The following PARP4 variants were observed in gnomAD, a reference collection of about 807,000 sequenced individuals.
PARP4 encodes the protein poly(ADP-ribose) polymerase family member 4, also known as protein mono-ADP-ribosyltransferase PARP4.
A neutral mutation model predicts 187.7 loss-of-function variants in PARP4; 120 were observed. The ratio of observed to expected loss-of-function variants is 0.64; its 90% CI spans 0.55 to 0.74. The LOEUF is 0.74. Ranked by LOEUF, PARP4 falls within the 30% of genes least tolerant of loss-of-function variation. The pLI is 0.00. For synonymous variants in PARP4, 654 were observed against 740.9 expected (o/e 0.88, Z 1.90); for missense variants, 1,836 against 2,070.5 (o/e 0.89, Z 2.20).
At chr13:24,433,210 C>T (rs1371890839) in intron 31 of PARP4, among the ~76,000 whole-genome samples, 2 of 152,134 alleles carry the variant, frequency 1.3e-5, no homozygotes, top group Admixed American at 6.5e-5. Flanking sequence ...GCTAAACCAT[C>T]GCAGCTGTAA....
At chr13:24,459,241 G>C in intron 19 of PARP4, 23 bp downstream of exon 19, 1 of 1,588,870 alleles carries the variant, frequency 6.3e-7, no homozygotes, top group Non-Finnish European at 8.6e-7. Flanking sequence ...TGAATTGACA[G>C]GTTTTATATT....
chr13:24,503,172 A>G (rs1265717192), intron 2 of PARP4, among the ~76,000 whole-genome samples: 1 of 152,242 alleles, frequency 6.6e-6, no homozygotes, highest in Non-Finnish European at 1.5e-5. Flanking sequence ...CAGCCTTTAA[A>G]TGAACAAAAC....
Position 24,459,250 on chromosome 13 carries a change from T to G in PARP4, c.2345+14A>C, listed in dbSNP as rs778439623. 3 of 1,590,362 alleles carry G rather than the reference T, an allele frequency of 1.9e-6. No homozygotes were observed. The African/African-American group carries it at 4.1e-5, about 22-fold the overall frequency. ...ATCCATTGAATTGACAGGTTTTATA[T>G]TTTAGGTACTAACCTTTGCTTTGTT... On this transcript the variant is annotated intron_variant, in intron 19 of 33. Transcript: ENST00000381989.
chr13:24,425,923 T>C (rs1257584441), intron 33 of PARP4, among the ~76,000 whole-genome samples: 3 of 152,004 alleles, frequency 2.0e-5, no homozygotes, highest in African/African-American at 7.3e-5. Context: ...CTTAGGGTGC[T>C]GGGGGTCAAC....
rs192417289 is a variant in PARP4, at chr13:24,423,339, G to C, written c.4980-2025C>G. ...GGCAGATCACTTGAGGCCAGAGTTCGAGACCAGCCTGGCCAACATGGCGAA... is the reference window on the plus strand; with the variant it reads ...GGCAGATCACTTGAGGCCAGAGTTCCAGACCAGCCTGGCCAACATGGCGAA... On this transcript the variant is annotated intron_variant, in intron 33 of 33. Transcript: ENST00000381989. Among the ~76,000 whole-genome samples the C allele has an allele frequency of 3.9e-5, 6 of 152,120 alleles. No individual in the cohort carries two copies. The South Asian group carries it at 8.3e-4, about 21-fold the overall frequency.
intron 21 of PARP4, among the ~76,000 whole-genome samples, chr13:24,456,087 T>C (rs1871831069): frequency 6.6e-6 from 1 of 152,176 alleles, no homozygotes; most frequent in Non-Finnish European, 1.5e-5. Flanking sequence ...TGATGGCACA[T>C]GTTCTTTTGG....
intron 32 of PARP4, among the ~76,000 whole-genome samples, chr13:24,427,083 T>C (rs1187317252): frequency 6.6e-6 from 1 of 151,962 alleles, no homozygotes; most frequent in Non-Finnish European, 1.5e-5. Context: ...GTATCCAGAG[T>C]GCCCCTCACT....
At chr13:24,502,742 A>G (rs111662141) in intron 2 of PARP4, among the ~76,000 whole-genome samples, 16,760 of 152,348 alleles carry the variant, frequency 0.11, 999 homozygotes, top group African/African-American at 0.12. Flanking sequence ...AAGGGAGAGC[A>G]GGCACGAATT....
intron 10 of PARP4, among the ~76,000 whole-genome samples, chr13:24,489,966 A>G (rs1593643214): frequency 6.6e-6 from 1 of 152,326 alleles, no homozygotes. Flanking sequence ...GTGTGCGGCT[A>G]CAACTCACCA....
chr13:24,464,170 A>T (rs920176194), intron 17 of PARP4, among the ~76,000 whole-genome samples: 1 of 152,220 alleles, frequency 6.6e-6, no homozygotes, highest in African/African-American at 2.4e-5. Flanking sequence ...ATGGAAAAAC[A>T]TTCCATGCTC....
chr13:24,426,640 C>T (rs1870065357), intron 32 of PARP4, 42 bp from the exon 33 acceptor site: 2 of 1,567,618 alleles, frequency 1.3e-6, no homozygotes, highest in Non-Finnish European at 8.7e-7. Context: ...GGAAACTCTG[C>T]ATCTCAAACT....
Position 24,426,509 on chromosome 13 carries a change from C to G in PARP4, c.4936G>C (p.Val1646Leu). The stretch of plus-strand genomic sequence containing the variant: ...TCCATTTTCATCAGTGATTTGAACA[C>G]TATTCCCTCTTTTTCCAACCTGGTG... ...IRTRLEKEGI[V>L]FKSLMKMDDA... is the part of the protein sequence containing the mutation. Residue 1646 changes from valine (V) to leucine (L), a missense_variant, in exon 33 of 34, where the codon GTG becomes CTG. Val to Leu is a conservative substitution (Grantham distance 32). Transcript: ENST00000381989. 6.2e-7 allele frequency: 1 copy of G among 1,612,252 alleles called. No homozygotes were observed. The highest frequency in any genetic ancestry group is 8.5e-7 in the Non-Finnish European group (1 of 1,178,922).
In PARP4 at chr13:24,469,034, T is replaced by G; in HGVS notation, c.2123A>C (p.Gln708Pro). 1.2e-6 allele frequency: 2 copies of G among 1,612,460 alleles called. No individual in the cohort carries two copies. Among genetic ancestry groups the G allele is most frequent in the Non-Finnish European group, 1.7e-6 (2 of 1,178,448 alleles). ...TQGHGAYLMS[Q>P]DAPDVFTVSV... ...CACACCAAGCCATACCGGAGCATCC[T>G]GACTCATCAGGTAAGCGCCATGGCC... is the stretch of plus-strand genomic sequence containing the variant. The change falls in exon 17 of 34, where the codon CAG (glutamine) becomes CCG (proline). Residue 708 changes from glutamine to proline, a missense_variant. Gln to Pro is a moderately conservative substitution (Grantham distance 76). Coordinates refer to ENST00000381989, the MANE Select transcript of PARP4 (RefSeq NM_006437.4).
At chr13:24,489,641 G>T (rs918964622) in intron 10 of PARP4, among the ~76,000 whole-genome samples, 1 of 152,054 alleles carries the variant, frequency 6.6e-6, no homozygotes, top group South Asian at 2.1e-4. Flanking sequence ...AAAAACAAAA[G>T]AAATCATAGC....
At chr13:24,493,422 T>G (rs137899971) in intron 8 of PARP4, among the ~76,000 whole-genome samples, 174 bp downstream of exon 8, 14 of 152,292 alleles carry the variant, frequency 9.2e-5, no homozygotes, top group Admixed American at 2.6e-4. Context: ...TCTCAGAAGC[T>G]TTTCTCCTTA....
chr13:24,423,766 C>T (rs1869879956), intron 33 of PARP4, among the ~76,000 whole-genome samples: 1 of 152,044 alleles, frequency 6.6e-6, no homozygotes, highest in Middle Eastern at 3.4e-3. Context: ...CAGCCTCAAC[C>T]TCCTGGGCTC....
At chr13:24,425,586 T>C (rs1870004198) in intron 33 of PARP4, among the ~76,000 whole-genome samples, 1 of 119,272 alleles carries the variant, frequency 8.4e-6, no homozygotes, top group Non-Finnish European at 1.7e-5. Context: ...TATATCTATA[T>C]CTATATCTAT....
At chr13:24,423,965 G>A (rs538425278) in intron 33 of PARP4, among the ~76,000 whole-genome samples, 1 of 152,130 alleles carries the variant, frequency 6.6e-6, no homozygotes, top group Admixed American at 6.5e-5. Flanking sequence ...GCCCAGCAAT[G>A]CCTGGGTAAT....
intron 5 of PARP4, 84 bp from the exon 6 acceptor site, chr13:24,498,313 T>C: frequency 1.3e-6 from 1 of 752,896 alleles, no homozygotes; most frequent in East Asian, 2.7e-5. Context: ...ATTATAATTA[T>C]AAAATATGTT....
Sources: allele counts gnomAD v4.1 joint callset (sites outside exome capture counted in the v4.1 genomes callset), GRCh38; gene constraint gnomAD v4.1.1; transcripts MANE v1.5; gene names NCBI Gene and HGNC (gene_info 2026-07-23, HGNC 2026-07-21).